HMGB1: variants seen among roughly 807,000 people sequenced by gnomAD.
HMGB1 encodes the protein high mobility group protein B1.
For synonymous variants in HMGB1, 81 were observed against 84.0 expected, an observed-to-expected ratio of 0.96 and a Z score of 0.19; for missense variants, 79 against 253.5, an observed-to-expected ratio of 0.31 and a Z score of 4.67.
At chr13:30,562,252 G>A (rs1471179670) in intron 1 of HMGB1, among the ~76,000 whole-genome samples, 2 of 148,532 alleles carry the variant, frequency 1.3e-5, no homozygotes, top group East Asian at 3.9e-4. Flanking sequence ...AGCCAAGGTC[G>A]CACCACTGTA....
chr13:30,468,609 G>A (rs1189720342), upstream of HMGB1, among the ~76,000 whole-genome samples: 1 of 152,036 alleles, frequency 6.6e-6, no homozygotes. Flanking sequence ...CCCCTAGTCT[G>A]GTGATGGTAC....
At chr13:30,611,308 A>G (rs1213852530) in intron 1 of HMGB1, among the ~76,000 whole-genome samples, 6 of 152,174 alleles carry the variant, frequency 3.9e-5, no homozygotes. Flanking sequence ...GACTACAGGC[A>G]TGCGCCAACG....
chr13:30,465,673 C>T, intron 1 of HMGB1, 123 bp downstream of exon 1: 1 of 296,478 alleles, frequency 3.4e-6, no homozygotes, highest in Non-Finnish European at 5.0e-6. Context: ...CCCCACGGTC[C>T]CCCCTCATTT....
At chr13:30,575,901 T>G (rs1434430511) in intron 1 of HMGB1, among the ~76,000 whole-genome samples, 1 of 152,072 alleles carries the variant, frequency 6.6e-6, no homozygotes, top group Non-Finnish European at 1.5e-5. Context: ...AGACCCTGTC[T>G]CTAAAAAAAA....
Position 30,458,887 on chromosome 13 carries a change from A to C in HMGB1, c.*2470T>G, listed in dbSNP as rs965482771. On this transcript the variant is annotated 3_prime_UTR_variant, in exon 5 of 5. Transcript: ENST00000341423. The stretch of plus-strand genomic sequence containing the variant: ...ACGATCATCAGAACTGTGGTAACTA[A>C]TCAGCAATAGCTCTCAACCTTTGCA... 1 of 152,236 alleles carries C rather than the reference A, an allele frequency of 6.6e-6. No homozygotes were observed. The highest frequency in any genetic ancestry group is 1.5e-5 in the Non-Finnish European group (1 of 68,038). The allele number at this position is 152,236 out of a possible 1,614,324, so 9.4% of individuals were successfully genotyped here. A position where few individuals can be genotyped will look rare whatever the true frequency, so the allele number is the denominator to read the frequency against.
At position 30,492,859 on chromosome 13, in the gene HMGB1, C is replaced by T. The variant is rs181089333; in HGVS notation, c.-14-29165G>A. Among the ~76,000 whole-genome samples the T allele has an allele frequency of 2.2e-3, 340 of 151,732 alleles. 1 individual carries two copies. Among genetic ancestry groups the T allele is most frequent in the Middle Eastern group, 0.017 (5 of 292 alleles). On this transcript the variant is annotated intron_variant, in intron 1 of 4. Coordinates refer to the HMGB1 transcript ENST00000405805. ...TACAAAAATTAGCTGGGCGTGGTAG[C>T]GTGGGCCTGTAGTCCCAGCTACTCA... is the stretch of plus-strand genomic sequence containing the variant.
intron 1 of HMGB1, among the ~76,000 whole-genome samples, chr13:30,528,532 C>A (rs566682823): frequency 6.6e-6 from 1 of 152,198 alleles, no homozygotes; most frequent in South Asian, 2.1e-4. Context: ...ACCAGACGCC[C>A]GCATATGCAG....
intron 1 of HMGB1, among the ~76,000 whole-genome samples, chr13:30,529,854 A>G (rs1030056064): frequency 2.6e-5 from 4 of 152,216 alleles, no homozygotes; most frequent in Non-Finnish European, 5.9e-5. Context: ...TTTCCTCAAC[A>G]TTCTATCCAG....
At chr13:30,500,720 T>C (rs963746491) in intron 1 of HMGB1, among the ~76,000 whole-genome samples, 4 of 149,292 alleles carry the variant, frequency 2.7e-5, no homozygotes, top group African/African-American at 9.8e-5. Context: ...TTCTGTTTTT[T>C]AATTTCTTTT....
intron 1 of HMGB1, chr13:30,465,211 G>GCA: frequency 1.9e-6 from 1 of 540,362 alleles, no homozygotes; most frequent in Non-Finnish European, 2.3e-6. Flanking sequence ...CCGCCGCCGC[G>GCA]ACCGGGCCGA....
intron 1 of HMGB1, among the ~76,000 whole-genome samples, chr13:30,568,042 G>A (rs2137531464): frequency 6.6e-6 from 1 of 152,262 alleles, no homozygotes; most frequent in Non-Finnish European, 1.5e-5. Flanking sequence ...AAGCTCTAGT[G>A]TTCCCCCTGG....
intron 1 of HMGB1, among the ~76,000 whole-genome samples, chr13:30,515,358 C>T (rs1037220793): frequency 2.0e-4 from 31 of 152,118 alleles, no homozygotes; most frequent in Admixed American, 1.8e-3. Flanking sequence ...CTGACTATGC[C>T]AAACTGAACT....
At chr13:30,492,783 G>A (rs924150140) in intron 1 of HMGB1, among the ~76,000 whole-genome samples, 1 of 152,060 alleles carries the variant, frequency 6.6e-6, no homozygotes, top group Non-Finnish European at 1.5e-5. Context: ...CTGAGGTCAG[G>A]AGTTCGACAC....
At chr13:30,583,578 G>T (rs1383172022) in intron 1 of HMGB1, among the ~76,000 whole-genome samples, 1 of 148,326 alleles carries the variant, frequency 6.7e-6, no homozygotes, top group Admixed American at 6.7e-5. Context: ...GCTCACACCT[G>T]TAATCCCATC....
chr13:30,582,240 C>G (rs183224334), intron 1 of HMGB1, among the ~76,000 whole-genome samples: 2 of 152,274 alleles, frequency 1.3e-5, no homozygotes, highest in Admixed American at 1.3e-4. Context: ...ACAACTTATC[C>G]TTGTTTCTTT....
At chr13:30,603,960 A>G (rs1431301421) in intron 1 of HMGB1, among the ~76,000 whole-genome samples, 2 of 152,146 alleles carry the variant, frequency 1.3e-5, no homozygotes, top group African/African-American at 2.4e-5. Context: ...TGTGGAATCC[A>G]TGGATACCAA....
intron 1 of HMGB1, among the ~76,000 whole-genome samples, chr13:30,614,499 G>A (rs1395419198): frequency 2.0e-5 from 3 of 152,154 alleles, no homozygotes; most frequent in Admixed American, 6.5e-5. Flanking sequence ...GAAGAGATGG[G>A]ATTAGATGCT....
In HMGB1 at chr13:30,605,590, A is replaced by C. The variant is rs138765113; in HGVS notation, c.-15+11081T>G. 3.2e-3 allele frequency among the ~76,000 whole-genome samples: 484 copies of C among 152,302 alleles called. 2 individuals are homozygous for C. The highest frequency in any genetic ancestry group is 5.7e-3 in the Non-Finnish European group (385 of 68,020). ...AGGCCAATGCCGACGTGGAAATGAG[A>C]GTTTTGGTGGGAAGACAGGAATAAA... is the stretch of plus-strand genomic sequence containing the variant. On this transcript the variant is annotated intron_variant, in intron 1 of 4. Coordinates refer to the HMGB1 transcript ENST00000405805.
intron 1 of HMGB1, among the ~76,000 whole-genome samples, chr13:30,514,042 C>T (rs992734624): frequency 1.3e-5 from 2 of 152,068 alleles, no homozygotes; most frequent in African/African-American, 4.8e-5. Flanking sequence ...ACCACTGCAT[C>T]TGGCCTTCCC....
Sources: gnomAD v4.1 joint callset for allele counts (sites outside exome capture counted in the v4.1 genomes callset) on GRCh38, gnomAD v4.1.1 for gene constraint, MANE v1.5 for transcripts, NCBI Gene and HGNC (gene_info 2026-07-23, HGNC 2026-07-21) for gene names.